PTPN4: variants seen among roughly 807,000 people sequenced by gnomAD.
The protein encoded by PTPN4 is protein tyrosine phosphatase non-receptor type 4, also known as tyrosine-protein phosphatase non-receptor type 4.
Under a neutral mutation model 135.5 loss-of-function variants are expected in PTPN4, and 49 were observed. That is an observed-to-expected ratio of 0.36 (90% CI 0.29 to 0.46). The LOEUF (loss-of-function observed/expected upper bound fraction) is 0.46, where lower values mean the gene tolerates loss of function less well. PTPN4 is among the 20% of genes least tolerant of loss of function. PTPN4 has a pLI of 1.00. For synonymous variants in PTPN4, 333 were observed against 369.9 expected, an observed-to-expected ratio of 0.90 and a Z score of 1.14; for missense variants, 860 against 1,101.0, an observed-to-expected ratio of 0.78 and a Z score of 3.10.
At chr2:119,920,814 A>G (rs1678726048) in intron 12 of PTPN4, among the ~76,000 whole-genome samples, 1 of 152,220 alleles carries the variant, frequency 6.6e-6, no homozygotes. Context: ...CTAAATCTGA[A>G]GAAGCTCTGA....
intron 20 of PTPN4, 92 bp from the exon 21 acceptor site, chr2:119,956,752 T>G: frequency 6.4e-7 from 1 of 1,566,718 alleles, no homozygotes; most frequent in African/African-American, 1.4e-5. Context: ...CAAAGAAACC[T>G]GTTTCCTGTT....
chr2:119,939,950 T>A lies in PTPN4; in HGVS notation c.1355+4992T>A, dbSNP rs144088359. Among the ~76,000 whole-genome samples, 39 of 152,338 alleles carry A rather than the reference T, an allele frequency of 2.6e-4. No individual in the cohort carries two copies. The East Asian group carries it at 7.1e-3, about 28-fold the overall frequency. Reference sequence around the variant, plus strand: ...TTAGAGAATGTAACATATTAGATGCTGTTGTATTCATGGCTTCAAGACTAA... The same window carrying A: ...TTAGAGAATGTAACATATTAGATGCAGTTGTATTCATGGCTTCAAGACTAA... On this transcript the variant is annotated intron_variant, in intron 15 of 26. Coordinates refer to ENST00000263708, the MANE Select transcript of PTPN4 (RefSeq NM_002830.4).
chr2:119,857,424 C>A (rs1353738620), intron 2 of PTPN4, among the ~76,000 whole-genome samples: 1 of 151,438 alleles, frequency 6.6e-6, no homozygotes, highest in East Asian at 2.0e-4. Context: ...ATCCCAGCTA[C>A]TGGGGAGGCT....
chr2:119,793,601 C>T (rs986456876), intron 1 of PTPN4, among the ~76,000 whole-genome samples: 101 of 152,056 alleles, frequency 6.6e-4, no homozygotes, highest in African/African-American at 2.2e-3. Flanking sequence ...GATAAATGTC[C>T]GTGAAGTCAT....
At chr2:119,800,350 A>G (rs1222260525) in intron 1 of PTPN4, among the ~76,000 whole-genome samples, 1 of 151,708 alleles carries the variant, frequency 6.6e-6, no homozygotes, top group African/African-American at 2.4e-5. Flanking sequence ...CAGATTGAGC[A>G]TCCTTTCATG....
chr2:119,800,408 G>GT, intron 1 of PTPN4, among the ~76,000 whole-genome samples: 2 of 141,960 alleles, frequency 1.4e-5, no homozygotes, highest in South Asian at 4.5e-4. Flanking sequence ...GTCTTTTTAT[G>GT]TTTTTTTGCC....
intron 1 of PTPN4, among the ~76,000 whole-genome samples, chr2:119,792,852 C>CAA (rs985806371): frequency 1.6e-4 from 24 of 152,156 alleles, no homozygotes; most frequent in African/African-American, 5.8e-4. Flanking sequence ...GCAAAACCAG[C>CAA]AAGTTTTTAT....
chr2:119,788,469 C>T (rs1205003362), intron 1 of PTPN4, among the ~76,000 whole-genome samples: 3 of 151,686 alleles, frequency 2.0e-5, no homozygotes, highest in African/African-American at 7.3e-5. Context: ...TAAAATTTAC[C>T]ATCTTAACCA....
intron 2 of PTPN4, among the ~76,000 whole-genome samples, chr2:119,818,727 T>C (rs918239172): frequency 6.6e-6 from 1 of 152,226 alleles, no homozygotes; most frequent in Non-Finnish European, 1.5e-5. Flanking sequence ...TGAATTATAT[T>C]ATGGCAGGCA....
At chr2:119,899,686 C>A (rs924412638) in intron 9 of PTPN4, among the ~76,000 whole-genome samples, 4 of 152,136 alleles carry the variant, frequency 2.6e-5, no homozygotes, top group African/African-American at 9.6e-5. Flanking sequence ...GTCTTAACAT[C>A]TTGATCCAAA....
At chr2:119,950,153 G>A (rs937093464) in intron 18 of PTPN4, among the ~76,000 whole-genome samples, 2 of 152,104 alleles carry the variant, frequency 1.3e-5, no homozygotes, top group Non-Finnish European at 2.9e-5. Context: ...AAAATAATGT[G>A]AGGAAAAGCT....
At chr2:119,933,262 ATACT>A (rs1343733032) in intron 14 of PTPN4, among the ~76,000 whole-genome samples, 1 of 152,236 alleles carries the variant, frequency 6.6e-6, no homozygotes, top group Non-Finnish European at 1.5e-5. Context: ...CCATATTAAC[ATACT>A]TAGTTAACCC....
At chr2:119,970,595 C>CA (rs1241965911) in intron 26 of PTPN4, among the ~76,000 whole-genome samples, 4 of 152,092 alleles carry the variant, frequency 2.6e-5, no homozygotes, top group African/African-American at 9.7e-5. Flanking sequence ...TTTTAAGTAG[C>CA]ATATTTAAAG....
intron 9 of PTPN4, among the ~76,000 whole-genome samples, chr2:119,896,275 T>C (rs1678322273): frequency 6.6e-6 from 1 of 152,302 alleles, no homozygotes; most frequent in South Asian, 2.1e-4. Context: ...GTCTTGCTGT[T>C]GTTTAGTTAT....
intron 1 of PTPN4, among the ~76,000 whole-genome samples, chr2:119,801,174 G>A (rs932197945): frequency 5.3e-5 from 8 of 152,194 alleles, no homozygotes; most frequent in African/African-American, 1.7e-4. Flanking sequence ...CTGAAGCTCC[G>A]CCTCCTGGGT....
chr2:119,767,803 C>T (rs1690656023), intron 1 of PTPN4, among the ~76,000 whole-genome samples: 1 of 152,234 alleles, frequency 6.6e-6, no homozygotes, highest in Non-Finnish European at 1.5e-5. Context: ...CACTAAGAGA[C>T]GTGCTGTATA....
Position 119,984,655 on chromosome 2 carries a change from T to A in PTPN4, c.*7585T>A, listed in dbSNP as rs558516581. 6.6e-6 allele frequency among the ~76,000 whole-genome samples: 1 copy of A among 152,290 alleles called. No homozygotes were observed. Among genetic ancestry groups the A allele is most frequent in the East Asian group, 1.9e-4 (1 of 5,186 alleles). On this transcript the variant is annotated 3_prime_UTR_variant, in exon 27 of 27. Coordinates refer to ENST00000263708, the MANE Select transcript of PTPN4 (RefSeq NM_002830.4). ...GTTTGTCTTAATTTTAGTGAAAAAA[T>A]TAGAATTTCTGCCATTCATGTACAA...
intron 3 of PTPN4, among the ~76,000 whole-genome samples, chr2:119,874,884 T>C (rs1294305528): frequency 6.6e-6 from 1 of 152,196 alleles, no homozygotes; most frequent in Non-Finnish European, 1.5e-5. Flanking sequence ...AATTTATACT[T>C]TCAGAAGCTA....
chr2:119,855,001 A>G (rs1209812360), intron 2 of PTPN4, among the ~76,000 whole-genome samples: 1 of 152,086 alleles, frequency 6.6e-6, no homozygotes, highest in Non-Finnish European at 1.5e-5. Context: ...TAGTCTGTAG[A>G]TTGCTGTTGT....
Sources: allele counts gnomAD v4.1 joint callset (sites outside exome capture counted in the v4.1 genomes callset), GRCh38; gene constraint gnomAD v4.1.1; transcripts MANE v1.5; gene names NCBI Gene and HGNC (gene_info 2026-07-23, HGNC 2026-07-21).